Variants in BCL2L12 observed in about 807,000 individuals in gnomAD.
BCL2L12 encodes the protein BCL2 like 12, also known as bcl-2-like protein 12.
Under a neutral mutation model 25.7 loss-of-function variants are expected in BCL2L12, and 27 were observed. That is an observed-to-expected ratio of 1.05 (90% CI 0.78 to 1.45). The LOEUF (loss-of-function observed/expected upper bound fraction) is 1.45, where lower values mean the gene tolerates loss of function less well. BCL2L12 is among the 40% of genes most tolerant of loss of function. The pLI is 0.00. For missense variants in BCL2L12, 302 were observed against 329.8 expected (o/e 0.92, Z 0.65); for synonymous variants, 132 against 145.6 (o/e 0.91, Z 0.67).
At chr19:49,665,764 G>T, upstream of BCL2L12, 1 of 1,541,962 alleles carries the variant, frequency 6.5e-7, no homozygotes. Flanking sequence ...CTTTCTTTTT[G>T]ATCGACTTCT....
At chr19:49,666,305 G>A (rs1005779638) in intron 1 of BCL2L12, among the ~76,000 whole-genome samples, 1 of 152,216 alleles carries the variant, frequency 6.6e-6, no homozygotes, top group Non-Finnish European at 1.5e-5. Context: ...ATGCTTTAAG[G>A]GTTTCAGGAG....
rs1457903134 is a variant in BCL2L12 at position 49,670,248 on chromosome 19, G to C, written c.462G>C (p.Leu154=). Residue 154 remains leucine, a synonymous_variant, in exon 6 of 7, where the codon CTG becomes CTC. Transcript: ENST00000246784. ...CGGACCCCGCCCTGCGCAGCAAGCT[G>C]GTCCGCCTGTCCTCCGACTCTTTCG... is the stretch of plus-strand genomic sequence containing the variant. ...LASDPALRSK[L]VRLSSDSFAR... 21 of 1,609,276 alleles carry C rather than the reference G, an allele frequency of 1.3e-5. No individual in the cohort carries two copies. The highest frequency in any genetic ancestry group is 1.8e-5 in the Non-Finnish European group (21 of 1,179,626).
upstream of BCL2L12, chr19:49,665,522 T>C (rs914862901): frequency 3.3e-5 from 10 of 307,452 alleles, no homozygotes; most frequent in African/African-American, 1.7e-4. Context: ...CTTGCTCCAC[T>C]TTCCCCAGAG....
chr19:49,673,048 CAG>C (rs2081992484), intron 6 of BCL2L12, among the ~76,000 whole-genome samples: 2 of 152,094 alleles, frequency 1.3e-5, no homozygotes, highest in Admixed American at 6.6e-5. Context: ...GTAGTTTTAG[CAG>C]AGACGGGGTT....
upstream of BCL2L12, chr19:49,665,747 G>T: frequency 6.6e-7 from 1 of 1,522,458 alleles, no homozygotes; most frequent in South Asian, 1.3e-5. Flanking sequence ...GCTCTAGAGC[G>T]CTGGGGCTTT....
upstream of BCL2L12, chr19:49,665,512 C>T (rs1271776246): frequency 1.7e-5 from 5 of 290,272 alleles, no homozygotes; most frequent in Non-Finnish European, 3.3e-5. Context: ...TAGCTCCTTC[C>T]TTGCTCCACT....
chr19:49,673,823 A>T lies in BCL2L12; in HGVS notation c.*75A>T, dbSNP rs112953697. 1.3e-6 allele frequency: 2 copies of T among 1,569,854 alleles called. No individual in the cohort carries two copies. Among genetic ancestry groups the T allele is most frequent in the African/African-American group, 2.7e-5 (2 of 74,096 alleles). ...TTCGTGTGCTTTTCCAAGTCTTCCTATTCCACTCAGGGCTGTGGGGTGGTG... is the reference window on the plus strand; with the variant it reads ...TTCGTGTGCTTTTCCAAGTCTTCCTTTTCCACTCAGGGCTGTGGGGTGGTG... On this transcript the variant is annotated 3_prime_UTR_variant, in exon 7 of 7. Coordinates refer to ENST00000246784, the MANE Select transcript of BCL2L12 (RefSeq NM_138639.2).
intron 1 of BCL2L12, 59 bp downstream of exon 1, chr19:49,666,126 A>T: frequency 6.6e-7 from 1 of 1,507,632 alleles, no homozygotes; most frequent in Non-Finnish European, 8.9e-7. Flanking sequence ...GCCGGGATCC[A>T]GTGGTGGGCA....
intron 6 of BCL2L12, among the ~76,000 whole-genome samples, chr19:49,671,635 C>A (rs1286538144): frequency 6.6e-6 from 1 of 152,002 alleles, no homozygotes. Context: ...GGGACCCTGT[C>A]TCAAAAAATA....
rs542895139 is a variant in BCL2L12 at position 49,672,434 on chromosome 19, C to T, written c.703-1264C>T. On this transcript the variant is annotated intron_variant, in intron 6 of 6. Coordinates refer to ENST00000246784, the MANE Select transcript of BCL2L12 (RefSeq NM_138639.2). This position sits in a 1 kb window ranked among gnomAD's most constrained non-coding sequence, Gnocchi z 4.1. The stretch of plus-strand genomic sequence containing the variant: ...CCTGTGGTCACGGTGAGTGACAACT[C>T]GGACTTTGACTCTGGGTAAGCCAAG... Among the ~76,000 whole-genome samples, 1 of 152,288 alleles carries T rather than the reference C, an allele frequency of 6.6e-6. No homozygotes were observed. The highest frequency in any genetic ancestry group is 1.5e-5 in the Non-Finnish European group (1 of 68,016).
rs1369554356 is a variant in BCL2L12, at chr19:49,670,239, C to T, written c.453C>T (p.Arg151=). 6.2e-7 allele frequency: 1 copy of T among 1,608,332 alleles called. No individual in the cohort carries two copies. ...NQKLASDPAL[R]SKLVRLSSDS... ...AGCTGGCCTCGGACCCCGCCCTGCG[C>T]AGCAAGCTGGTCCGCCTGTCCTCCG... Residue 151 remains arginine (R), a synonymous_variant, in exon 6 of 7, where the codon CGC becomes CGT. Transcript: ENST00000246784.
chr19:49,668,263 T>G lies in BCL2L12; in HGVS notation c.251-588T>G, dbSNP rs1010654392. Among the ~76,000 whole-genome samples the G allele has an allele frequency of 2.6e-5, 4 of 151,510 alleles. No individual in the cohort carries two copies. In the South Asian group the frequency reaches 8.3e-4, roughly 32 times the overall value. On this transcript the variant is annotated intron_variant, in intron 3 of 6. Transcript: ENST00000246784. ...GGCATGCGCCACCATGCCCGGCTAA[T>G]TTTTTTTGTATTTTTAGTAGAGATG... is the stretch of plus-strand genomic sequence containing the variant.
At chr19:49,669,655 T>G (rs1246468097) in intron 5 of BCL2L12, among the ~76,000 whole-genome samples, 1 of 151,410 alleles carries the variant, frequency 6.6e-6, no homozygotes, top group Non-Finnish European at 1.5e-5. Context: ...GCAGAGGGTG[T>G]GGCCATCAGA....
At chr19:49,666,464 T>TG (rs1180999558) in intron 1 of BCL2L12, among the ~76,000 whole-genome samples, 1 of 152,158 alleles carries the variant, frequency 6.6e-6, no homozygotes, top group Admixed American at 6.5e-5. Flanking sequence ...CCCACGAATC[T>TG]GGGCACCCAG....
intron 6 of BCL2L12, among the ~76,000 whole-genome samples, chr19:49,670,717 C>G (rs1568479106): frequency 6.6e-6 from 1 of 152,192 alleles, no homozygotes; most frequent in Non-Finnish European, 1.5e-5. Flanking sequence ...AAACCAGTGA[C>G]TGAGGTTACT....
At chr19:49,670,133 A>G in intron 5 of BCL2L12, 83 bp from the exon 6 acceptor site, 1 of 1,510,338 alleles carries the variant, frequency 6.6e-7, no homozygotes, top group Non-Finnish European at 8.8e-7. Context: ...ACGATCCTGA[A>G]CCGGGAAGCC....
intron 6 of BCL2L12, among the ~76,000 whole-genome samples, chr19:49,673,156 C>T (rs748358243): frequency 3.3e-5 from 5 of 151,976 alleles, no homozygotes; most frequent in South Asian, 2.1e-4. Context: ...TGAGCTACCA[C>T]GCCTGGACAA....
At chr19:49,666,141 A>C (rs2081743581) in intron 1 of BCL2L12, 74 bp downstream of exon 1, 1 of 1,480,668 alleles carries the variant, frequency 6.8e-7, no homozygotes, top group South Asian at 1.3e-5. Flanking sequence ...TGGGCACCCC[A>C]GTCCCGCTTC....
chr19:49,670,135 C>T, intron 5 of BCL2L12, 81 bp from the exon 6 acceptor site: 9 of 1,519,434 alleles, frequency 5.9e-6, no homozygotes, highest in Middle Eastern at 3.4e-4. Context: ...GATCCTGAAC[C>T]GGGAAGCCAC....
Sources: allele counts gnomAD v4.1 joint callset (sites outside exome capture counted in the v4.1 genomes callset), GRCh38; gene constraint gnomAD v4.1.1; non-coding constraint Gnocchi (gnomAD v3.1); transcripts MANE v1.5; gene names NCBI Gene and HGNC (gene_info 2026-07-23, HGNC 2026-07-21).